Variants in EIF5A2 observed in about 807,000 individuals in gnomAD.
EIF5A2 encodes eukaryotic translation initiation factor 5A-2.
EIF5A2 carries 15 observed loss-of-function variants against 16.4 expected under a neutral mutation model. The observed-to-expected ratio is 0.92, with a 90% CI of 0.61 to 1.41. EIF5A2 has a LOEUF of 1.41. Ranked by LOEUF, EIF5A2 falls within the 40% of genes most tolerant of loss-of-function variation. EIF5A2 has a pLI of 0.00. For missense variants in EIF5A2, 144 were observed against 189.5 expected, an observed-to-expected ratio of 0.76 and a Z score of 1.41; for synonymous variants, 48 against 61.1, an observed-to-expected ratio of 0.79 and a Z score of 1.00.
In EIF5A2 at chr3:170,894,496, T is replaced by C. The variant is rs148234378; in HGVS notation, c.271-73A>G. The C allele has an allele frequency of 1.3e-3, 1,790 of 1,346,366 alleles. 23 individuals carry two copies. The African/African-American group carries it at 0.019, about 14-fold the overall frequency. 83.4% of individuals were successfully genotyped at this position (1,346,366 alleles called of 1,614,324 possible). On this transcript the variant is annotated intron_variant, in intron 3 of 4. Transcript: ENST00000295822. ...TCTGTGTAATGCTTACATAGTTAAATTGCAATTGATATTAATTCATATAAG... is the reference window on the plus strand; with the variant it reads ...TCTGTGTAATGCTTACATAGTTAAACTGCAATTGATATTAATTCATATAAG...
At chr3:170,902,759 C>G (rs1289388262) in intron 3 of EIF5A2, among the ~76,000 whole-genome samples, 1 of 151,932 alleles carries the variant, frequency 6.6e-6, no homozygotes, top group Non-Finnish European at 1.5e-5. Context: ...CAGGCATGCA[C>G]CACCACGCCT....
At chr3:170,901,120 C>T (rs1211241292) in intron 3 of EIF5A2, among the ~76,000 whole-genome samples, 1 of 152,080 alleles carries the variant, frequency 6.6e-6, no homozygotes, top group Non-Finnish European at 1.5e-5. Flanking sequence ...TGTTAAAAAA[C>T]AAGGAAATGC....
chr3:170,897,402 G>C (rs1429370617), intron 3 of EIF5A2, among the ~76,000 whole-genome samples: 2 of 152,224 alleles, frequency 1.3e-5, no homozygotes, highest in Non-Finnish European at 1.5e-5. Context: ...AGAGGCCTAG[G>C]AGGGAAAAAT....
At chr3:170,900,695 T>C (rs1450387003) in intron 3 of EIF5A2, among the ~76,000 whole-genome samples, 1 of 152,172 alleles carries the variant, frequency 6.6e-6, no homozygotes, top group East Asian at 1.9e-4. Flanking sequence ...TCATCTTTAG[T>C]GGATGCTAGG....
chr3:170,889,201 C>T lies in EIF5A2; in HGVS notation c.*4159G>A, dbSNP rs1712467125. 6.6e-6 allele frequency: 1 copy of T among 152,312 alleles called. No individual in the cohort carries two copies. The highest frequency in any genetic ancestry group is 2.1e-4 in the South Asian group (1 of 4,830). The allele number at this position is 152,312 out of a possible 1,614,324, so 9.4% of individuals were successfully genotyped here. A position where few individuals can be genotyped will look rare whatever the true frequency, so the allele number is the denominator to read the frequency against. Reference sequence around the variant, plus strand: ...AAGTGCATCTTTTACATAAGGAAAACATGCTTATTAGATGTATACAGTACT... The same window carrying T: ...AAGTGCATCTTTTACATAAGGAAAATATGCTTATTAGATGTATACAGTACT... On this transcript the variant is annotated 3_prime_UTR_variant, in exon 5 of 5. Transcript: ENST00000295822.
At position 170,908,585 on chromosome 3, in the gene EIF5A2, T is replaced by C. The variant is rs913088846; in HGVS notation, c.-78A>G. On this transcript the variant is annotated 5_prime_UTR_variant, in exon 1 of 5. Transcript: ENST00000295822. ...GCGCCTTTCGTCTGCGCACCCGCGC[T>C]GGTCCCCTACAGCAGCGGCGCCGGC... 3.3e-5 allele frequency: 5 copies of C among 152,888 alleles called. No homozygotes were observed. Among genetic ancestry groups the C allele is most frequent in the African/African-American group, 4.8e-5 (2 of 41,478 alleles). 9.5% of individuals were successfully genotyped at this position (152,888 alleles called of 1,614,324 possible).
At chr3:170,895,025 CAAAAAAA>C (rs748111786) in intron 3 of EIF5A2, among the ~76,000 whole-genome samples, 1,684 of 60,798 alleles carry the variant, frequency 0.028, 35 homozygotes, top group African/African-American at 0.099. Flanking sequence ...GACTCTGTCT[CAAAAAAA>C]AAAAAAAAAA....
chr3:170,900,027 G>A (rs1712769754), intron 3 of EIF5A2, among the ~76,000 whole-genome samples: 1 of 151,794 alleles, frequency 6.6e-6, no homozygotes. Flanking sequence ...TAGGCATGTG[G>A]AGGCGTACCA....
Position 170,893,283 on chromosome 3 carries a change from C to T in EIF5A2, c.*77G>A. On this transcript the variant is annotated 3_prime_UTR_variant, in exon 5 of 5. Transcript: ENST00000295822. ...ATGAGGTTGCTTATGAAGGCTATAG[C>T]TTTGGTGACAACTTAGAACCAAATT... 1 of 1,483,780 alleles carries T rather than the reference C, an allele frequency of 6.7e-7. No individual in the cohort carries two copies. The highest frequency in any genetic ancestry group is 1.2e-5 in the South Asian group (1 of 81,340). 91.9% of individuals were successfully genotyped at this position (1,483,780 alleles called of 1,614,324 possible).
chr3:170,894,452 T>A (rs1403215527), intron 3 of EIF5A2, 29 bp from the exon 4 acceptor site: 2 of 1,609,314 alleles, frequency 1.2e-6, no homozygotes, highest in Non-Finnish European at 1.7e-6. Context: ...TCATTTGTGC[T>A]GATTAGATTA....
In EIF5A2 at chr3:170,889,765, A is replaced by G. The variant is rs2108290268; in HGVS notation, c.*3595T>C. 6.6e-6 allele frequency: 1 copy of G among 152,634 alleles called. No individual in the cohort carries two copies. Among genetic ancestry groups the G allele is most frequent in the South Asian group, 2.1e-4 (1 of 4,824 alleles). 9.5% of individuals were successfully genotyped at this position (152,634 alleles called of 1,614,324 possible). The stretch of plus-strand genomic sequence containing the variant: ...CTAAATATGTTTGGTGAACCTCTAC[A>G]TCAATGCCTGGCTCCAAAACTATCT... On this transcript the variant is annotated 3_prime_UTR_variant, in exon 5 of 5. Transcript: ENST00000295822.
intron 3 of EIF5A2, among the ~76,000 whole-genome samples, chr3:170,897,214 A>C (rs549761625): frequency 6.6e-6 from 1 of 152,348 alleles, no homozygotes; most frequent in East Asian, 1.9e-4. Flanking sequence ...AAGTTTGAAA[A>C]ATGTACATCC....
chr3:170,906,960 G>A, intron 3 of EIF5A2, 29 bp downstream of exon 3: 2 of 1,463,914 alleles, frequency 1.4e-6, no homozygotes, highest in Non-Finnish European at 1.9e-6. Context: ...GAAGAAACAA[G>A]CAACATTCTA....
chr3:170,905,042 G>A (rs969250949), intron 3 of EIF5A2, among the ~76,000 whole-genome samples: 2 of 152,032 alleles, frequency 1.3e-5, no homozygotes, highest in African/African-American at 4.8e-5. Context: ...TTGGGACAAG[G>A]GTGAAGTAAG....
Position 170,893,034 on chromosome 3 carries a change from G to T in EIF5A2, c.*326C>A. On this transcript the variant is annotated 3_prime_UTR_variant, in exon 5 of 5. Transcript: ENST00000295822. ...GCTACATTGTTTGATTTAAAACCCT[G>T]GTTTATCATCTAACTAAAACACAGG... 1 of 421,388 alleles carries T rather than the reference G, an allele frequency of 2.4e-6. No individual in the cohort carries two copies. 26.1% of individuals were successfully genotyped at this position (421,388 alleles called of 1,614,324 possible).
Position 170,888,804 on chromosome 3 carries a change from G to C in EIF5A2, c.*4556C>G, listed in dbSNP as rs149071933. ...AGAACTAGTCATTTTCATTATACTA[G>C]TATAGAACTAGTAATTTGCATTATG... On this transcript the variant is annotated 3_prime_UTR_variant, in exon 5 of 5. Coordinates refer to ENST00000295822, the MANE Select transcript of EIF5A2 (RefSeq NM_020390.6). 1 of 152,462 alleles carries C rather than the reference G, an allele frequency of 6.6e-6. No individual in the cohort carries two copies. Among genetic ancestry groups the C allele is most frequent in the African/African-American group, 2.4e-5 (1 of 41,426 alleles). The allele number at this position is 152,462 out of a possible 1,614,324, so 9.4% of individuals were successfully genotyped here.
In EIF5A2 at chr3:170,889,088, C is replaced by A. The variant is rs1712464054; in HGVS notation, c.*4272G>T. ...TTTTTTTTTGTAAAATAGGTTTCTA[C>A]CTGTTCTAAGGAGGAGAATAGTGGT... On this transcript the variant is annotated 3_prime_UTR_variant, in exon 5 of 5. Transcript: ENST00000295822. 3 of 62,474 alleles carry A rather than the reference C, an allele frequency of 4.8e-5. No individual in the cohort carries two copies. Among genetic ancestry groups the A allele is most frequent in the East Asian group, 5.4e-4 (1 of 1,850 alleles). 3.9% of individuals were successfully genotyped at this position (62,474 alleles called of 1,614,324 possible). A position where few individuals can be genotyped will look rare whatever the true frequency, so the allele number is the denominator to read the frequency against.
chr3:170,907,641 C>T lies in EIF5A2; in HGVS notation c.165+1G>A, dbSNP rs1560011731. 6.3e-7 allele frequency: 1 copy of T among 1,590,708 alleles called. No homozygotes were observed. The highest frequency in any genetic ancestry group is 2.3e-5 in the East Asian group (1 of 44,206). On this transcript the variant is annotated splice_donor_variant, in intron 2 of 4. Coordinates refer to ENST00000295822, the MANE Select transcript of EIF5A2 (RefSeq NM_020390.6). LOFTEE classifies it high-confidence loss of function. ...AAAGCCTGATCTGCAAGGGTACTTA[C>T]CTTGGCATGACCATGCTTTCCAGTT...
intron 3 of EIF5A2, among the ~76,000 whole-genome samples, chr3:170,902,618 T>C (rs549071520): frequency 1.3e-3 from 190 of 147,842 alleles, no homozygotes; most frequent in African/African-American, 4.4e-3. Flanking sequence ...TTTTTTTTTT[T>C]TTTTTTTTGA....
Sources: gnomAD v4.1 joint callset for allele counts (sites outside exome capture counted in the v4.1 genomes callset) on GRCh38, gnomAD v4.1.1 for gene constraint, MANE v1.5 for transcripts, NCBI Gene and HGNC (gene_info 2026-07-23, HGNC 2026-07-21) for gene names.